LPCAT2: variants seen among roughly 807,000 people sequenced by gnomAD.
LPCAT2 encodes lysophosphatidylcholine acyltransferase 2, also known as 1-AGP acyltransferase 11.
A neutral mutation model predicts 64.7 loss-of-function variants in LPCAT2; 58 were observed. The ratio of observed to expected loss-of-function variants is 0.90; its 90% CI spans 0.73 to 1.12. LPCAT2 has a LOEUF of 1.12. Among genes scored for constraint, LPCAT2 ranks in the 50% most tolerant of loss-of-function variants. The pLI, the probability that LPCAT2 is intolerant of heterozygous loss-of-function variation, is 0.00. For synonymous variants in LPCAT2, 252 were observed against 245.3 expected (o/e 1.03, Z -0.26); for missense variants, 579 against 669.8 (o/e 0.86, Z 1.50).
intron 1 of LPCAT2, among the ~76,000 whole-genome samples, chr16:55,519,088 T>TAACCC (rs3040208): frequency 0.48 from 72,579 of 151,492 alleles, 17,974 homozygotes; most frequent in Non-Finnish European, 0.55. Flanking sequence ...AATAAAAAGA[T>TAACCC]AACCCAACTA....
chr16:55,580,813 G>A (rs1037379888), intron 13 of LPCAT2, among the ~76,000 whole-genome samples: 2 of 141,302 alleles, frequency 1.4e-5, no homozygotes, highest in African/African-American at 5.4e-5. Context: ...ATCAGTGGAG[G>A]CATTAGATTC....
chr16:55,548,706 G>A (rs576964075), intron 9 of LPCAT2, among the ~76,000 whole-genome samples: 1 of 152,032 alleles, frequency 6.6e-6, no homozygotes, highest in African/African-American at 2.4e-5. Context: ...TAGAGATGGG[G>A]TTTCACCATG....
intron 11 of LPCAT2, among the ~76,000 whole-genome samples, chr16:55,573,400 T>A (rs984944159): frequency 6.6e-6 from 1 of 151,812 alleles, no homozygotes; most frequent in Admixed American, 6.6e-5. Flanking sequence ...TTTTGTTTTT[T>A]TTTTTCTTAG....
chr16:55,557,069 T>G (rs2142404526), intron 11 of LPCAT2: 1 of 152,342 alleles, frequency 6.6e-6, no homozygotes, highest in African/African-American at 2.4e-5. Context: ...TTTGTTTGTT[T>G]GTTTTACTTC....
chr16:55,545,710 A>G, intron 8 of LPCAT2, 25 bp from the exon 9 acceptor site: 1 of 1,451,458 alleles, frequency 6.9e-7, no homozygotes, highest in Non-Finnish European at 9.6e-7. Context: ...AGACATTGTT[A>G]TGGAAAGGTA....
chr16:55,509,248 G>A lies in LPCAT2; in HGVS notation c.67G>A (p.Gly23Arg). Residue 23 changes from glycine (G) to arginine (R), a missense_variant, in exon 1 of 14, where the codon GGG becomes AGG. Gly to Arg is a moderately radical substitution (Grantham distance 125). Transcript: ENST00000262134. ...GCCAGGTGCCGGCGTCGGGAACGTG[G>A]GGCTGCGGCCGCCCATGGTGCCCCG... The part of the protein sequence containing the change: ...TVPGAGVGNV[G>R]LRPPMVPRQA... 6.7e-7 allele frequency: 1 copy of A among 1,491,792 alleles called. No individual in the cohort carries two copies. The highest frequency in any genetic ancestry group is 9.0e-7 in the Non-Finnish European group (1 of 1,113,950). The allele number at this position is 1,491,792 out of a possible 1,614,324, so 92.4% of individuals were successfully genotyped here.
In LPCAT2 at chr16:55,525,618, G is replaced by T. The variant is rs1302405149; in HGVS notation, c.282G>T (p.Lys94Asn). 1.2e-6 allele frequency: 2 copies of T among 1,608,970 alleles called. No homozygotes were observed. The highest frequency in any genetic ancestry group is 2.7e-5 in the African/African-American group (2 of 74,622). ...TTTCAACAGTATGCTGTCCTGAAAA[G>T]CTGACCCACCCAATAACTGGTTGGA... ...AAISTVCCPE[K>N]LTHPITGWRR... Residue 94 changes from lysine to asparagine, a missense_variant, in exon 2 of 14, where the codon AAG (lysine) becomes AAT (asparagine). Coordinates refer to ENST00000262134, the MANE Select transcript of LPCAT2 (RefSeq NM_017839.5).
At position 55,568,134 on chromosome 16, in the gene LPCAT2, TTC is replaced by T. The variant is rs201106504; in HGVS notation, c.1216-6495_1216-6494del. Among the ~76,000 whole-genome samples, 324 of 113,060 alleles carry T rather than the reference TTC, an allele frequency of 2.9e-3. 6 individuals are homozygous for T. In the South Asian group the frequency reaches 0.05, roughly 17 times the overall value. The allele number at this position is 113,060 out of a possible 152,430, so 74.2% of individuals were successfully genotyped here. ...TATCTAAAATTCTAAAGTTCTTTAA[TTC>T]TGTTTCTTTAGTAAAAAAAAGCACT... On this transcript the variant is annotated intron_variant, in intron 11 of 13. Coordinates refer to ENST00000262134, the MANE Select transcript of LPCAT2 (RefSeq NM_017839.5).
chr16:55,512,931 T>C (rs1962954803), intron 1 of LPCAT2, among the ~76,000 whole-genome samples: 1 of 152,140 alleles, frequency 6.6e-6, no homozygotes, highest in Admixed American at 6.5e-5. Flanking sequence ...AGTATAAAAC[T>C]AAGCCTTCAC....
At position 55,519,174 on chromosome 16, in the gene LPCAT2, T is replaced by G. The variant is rs1963056004; in HGVS notation, c.172-6334T>G. ...AAATGAAGACATTTTCAGATAAGAA[T>G]GGAGGGAATTTGTTGTCAGACCTGC... On this transcript the variant is annotated intron_variant, in intron 1 of 13. Coordinates refer to ENST00000262134, the MANE Select transcript of LPCAT2 (RefSeq NM_017839.5). 2.0e-5 allele frequency among the ~76,000 whole-genome samples: 3 copies of G among 151,906 alleles called. No homozygotes were observed. In the South Asian group the frequency reaches 6.2e-4, roughly 32 times the overall value.
chr16:55,537,131 A>G (rs2142387487), intron 7 of LPCAT2, among the ~76,000 whole-genome samples: 1 of 152,278 alleles, frequency 6.6e-6, no homozygotes, highest in South Asian at 2.1e-4. Context: ...GTTGTCAAGG[A>G]AACTTCAAAT....
chr16:55,567,454 T>C (rs1323239625), intron 11 of LPCAT2: 1 of 1,613,802 alleles, frequency 6.2e-7, no homozygotes, highest in South Asian at 1.1e-5. Flanking sequence ...AGAGATGGCC[T>C]GATTCAAGTG....
chr16:55,531,301 G>A (rs1441766119), intron 4 of LPCAT2, among the ~76,000 whole-genome samples: 1 of 152,028 alleles, frequency 6.6e-6, no homozygotes, highest in Non-Finnish European at 1.5e-5. Flanking sequence ...AAATTAAGTT[G>A]CTATTTTACT....
chr16:55,557,624 TG>T (rs1963591981), intron 11 of LPCAT2, among the ~76,000 whole-genome samples: 1 of 152,174 alleles, frequency 6.6e-6, no homozygotes, highest in Non-Finnish European at 1.5e-5. Flanking sequence ...TAGTGGAAAA[TG>T]CTCCCATAAG....
chr16:55,583,071 G>C lies in LPCAT2; in HGVS notation c.1608G>C (p.Glu536Asp). Residue 536 changes from glutamate (E) to aspartate (D), a missense_variant, in exon 14 of 14, where the codon GAG becomes GAC. Transcript: ENST00000262134. ...AAGTCAGCCCTGAAAAGCATGAAGA[G>C]AGTACCTCAGACAAAAAAGATGACT... ...SNKVSPEKHEESTSDKKDD is the reference protein window; with the variant it reads ...SNKVSPEKHEDSTSDKKDD 1 of 1,613,218 alleles carries C rather than the reference G, an allele frequency of 6.2e-7. No individual in the cohort carries two copies.
intron 11 of LPCAT2, among the ~76,000 whole-genome samples, chr16:55,571,565 G>C (rs1963770318): frequency 6.6e-6 from 1 of 152,082 alleles, no homozygotes; most frequent in South Asian, 2.1e-4. Flanking sequence ...GAGGGATTAC[G>C]GCCTCCCTCC....
rs142989526 is a variant in LPCAT2 at position 55,524,837 on chromosome 16, G to A, written c.172-671G>A. Among the ~76,000 whole-genome samples, 1,354 of 152,096 alleles carry A rather than the reference G, an allele frequency of 8.9e-3. 28 individuals are homozygous for A. Among genetic ancestry groups the A allele is most frequent in the African/African-American group, 0.031 (1,280 of 41,536 alleles). On this transcript the variant is annotated intron_variant, in intron 1 of 13. Transcript: ENST00000262134. Reference sequence around the variant, plus strand: ...TCTTAAGCAATTTAACTCCCTCTGTGTTACTCCTTTCTGGTATGTAAAACT... The same window carrying A: ...TCTTAAGCAATTTAACTCCCTCTGTATTACTCCTTTCTGGTATGTAAAACT...
intron 9 of LPCAT2, among the ~76,000 whole-genome samples, chr16:55,547,154 GAA>G (rs112018160): frequency 3.5e-5 from 5 of 141,476 alleles, no homozygotes; most frequent in South Asian, 2.2e-4. Context: ...TCTCAAAAAA[GAA>G]AAAAAAAAAA....
chr16:55,555,137 CTGATAGACT>C (rs746297304), intron 11 of LPCAT2, among the ~76,000 whole-genome samples: 3 of 152,178 alleles, frequency 2.0e-5, no homozygotes, highest in Non-Finnish European at 4.4e-5. Context: ...AAAAATGGCA[CTGATAGACT>C]TGCTCATACA....
Sources: gnomAD v4.1 joint callset for allele counts (sites outside exome capture counted in the v4.1 genomes callset) on GRCh38, gnomAD v4.1.1 for gene constraint, MANE v1.5 for transcripts, NCBI Gene and HGNC (gene_info 2026-07-23, HGNC 2026-07-21) for gene names.